SH3BP4: variants seen among roughly 807,000 people sequenced by gnomAD.
The protein encoded by SH3BP4 is SH3 domain-binding protein 4.
In SH3BP4, 33 loss-of-function variants were observed where a neutral mutation model predicts 65.5. The ratio of observed to expected loss-of-function variants is 0.50; its 90% CI spans 0.38 to 0.67. The LOEUF is 0.67. Ranked by LOEUF, SH3BP4 falls within the 30% of genes least tolerant of loss-of-function variation. The probability of loss-of-function intolerance (pLI) is 0.00; values close to 1 mark genes in which losing one functional copy is unlikely to be tolerated. For missense variants in SH3BP4, 1,134 were observed against 1,261.4 expected, an observed-to-expected ratio of 0.90 and a Z score of 1.53; for synonymous variants, 552 against 545.5, an observed-to-expected ratio of 1.01 and a Z score of -0.17.
intron 2 of SH3BP4, among the ~76,000 whole-genome samples, chr2:235,017,024 A>C (rs1477431994): frequency 6.8e-6 from 1 of 147,204 alleles, no homozygotes; most frequent in East Asian, 2.0e-4. Flanking sequence ...CACTTTCGGC[A>C]GCGAGTTTCT....
chr2:234,981,552 C>A (rs575021624), intron 1 of SH3BP4: 1 of 152,140 alleles, frequency 6.6e-6, no homozygotes, highest in African/African-American at 2.4e-5. Context: ...ATTTGCCCAG[C>A]GTGTTTAGAA....
chr2:234,955,778 T>G (rs1692572079), intron 1 of SH3BP4, among the ~76,000 whole-genome samples: 1 of 152,182 alleles, frequency 6.6e-6, no homozygotes, highest in Non-Finnish European at 1.5e-5. Context: ...GTACCACTCG[T>G]TGAGGGCTTA....
At chr2:235,053,138 C>T (rs949783982) in intron 5 of SH3BP4, among the ~76,000 whole-genome samples, 1 of 152,204 alleles carries the variant, frequency 6.6e-6, no homozygotes, top group Non-Finnish European at 1.5e-5. Flanking sequence ...GGGCCAAAGC[C>T]GGTGTGGCCG....
chr2:235,023,600 T>G (rs894043339), intron 2 of SH3BP4, among the ~76,000 whole-genome samples: 1 of 152,088 alleles, frequency 6.6e-6, no homozygotes, highest in African/African-American at 2.4e-5. Flanking sequence ...AAAAAGCGTT[T>G]TTGATTGTAG....
intron 2 of SH3BP4, among the ~76,000 whole-genome samples, chr2:235,009,948 C>A (rs1694424168): frequency 6.6e-6 from 1 of 152,148 alleles, no homozygotes; most frequent in South Asian, 2.1e-4. Context: ...TCTCTCCTCT[C>A]CTCAAACCTT....
chr2:235,000,923 C>A (rs1694077836), intron 2 of SH3BP4, among the ~76,000 whole-genome samples: 4 of 152,224 alleles, frequency 2.6e-5, no homozygotes, highest in Admixed American at 2.6e-4. Flanking sequence ...CTTGTTCTGA[C>A]CTCTTTCCTT....
At position 234,991,119 on chromosome 2, in the gene SH3BP4, A is replaced by G. The variant is rs1021305936; in HGVS notation, c.-206-4184A>G. On this transcript the variant is annotated intron_variant, in intron 1 of 5. Coordinates refer to ENST00000392011, the MANE Select transcript of SH3BP4 (RefSeq NM_014521.3). The surrounding 1 kb of genome is among the most constrained non-coding windows in gnomAD (Gnocchi z 4.2). ...ATGCATACAAATTTGGGGGGATGCAATTCCATCTATACCATTGGGAAATGG... is the reference window on the plus strand; with the variant it reads ...ATGCATACAAATTTGGGGGGATGCAGTTCCATCTATACCATTGGGAAATGG... Among the ~76,000 whole-genome samples the G allele has an allele frequency of 6.6e-6, 1 of 152,130 alleles. No homozygotes were observed. The highest frequency in any genetic ancestry group is 1.5e-5 in the Non-Finnish European group (1 of 68,032).
intron 1 of SH3BP4, among the ~76,000 whole-genome samples, chr2:234,953,399 C>T (rs138538030): frequency 2.0e-4 from 31 of 152,246 alleles, no homozygotes; most frequent in African/African-American, 7.2e-4. Flanking sequence ...CCCTTGTGAC[C>T]GTCTCTGAGC....
chr2:235,005,593 C>T (rs1257963809), intron 2 of SH3BP4, among the ~76,000 whole-genome samples: 1 of 152,190 alleles, frequency 6.6e-6, no homozygotes, highest in Non-Finnish European at 1.5e-5. Flanking sequence ...TTGAGCCCCT[C>T]AGAGCTGCTG....
chr2:235,038,663 G>A (rs557107407), intron 3 of SH3BP4, among the ~76,000 whole-genome samples: 121 of 151,934 alleles, frequency 8.0e-4, no homozygotes, highest in Non-Finnish European at 1.3e-3. Flanking sequence ...ATGAGCTGGA[G>A]GACAGCAAGG....
chr2:234,961,092 T>C (rs1203161610), intron 1 of SH3BP4, among the ~76,000 whole-genome samples: 1 of 152,204 alleles, frequency 6.6e-6, no homozygotes, highest in Non-Finnish European at 1.5e-5. Flanking sequence ...ATTTGGCTTC[T>C]CTTCCTGTTA....
chr2:235,019,918 A>G (rs1203926953), intron 2 of SH3BP4, among the ~76,000 whole-genome samples: 1 of 151,918 alleles, frequency 6.6e-6, no homozygotes, highest in Non-Finnish European at 1.5e-5. Flanking sequence ...GACAAAAGCA[A>G]GTTACATGTT....
At chr2:235,000,309 G>C (rs566013380) in intron 2 of SH3BP4, among the ~76,000 whole-genome samples, 1 of 152,296 alleles carries the variant, frequency 6.6e-6, no homozygotes, top group South Asian at 2.1e-4. Context: ...GAGGGCCCCC[G>C]AGCCTGGGCT....
rs1367532271 is a variant in SH3BP4, at chr2:234,997,055, C to T, written c.-133+1679C>T. ...CCCGCTTGTCTCCGTGGCGGGCACA[C>T]AGGCTTCCGGGAGCCCGGTGAGGGA... On this transcript the variant is annotated intron_variant, in intron 2 of 5. Coordinates refer to ENST00000392011, the MANE Select transcript of SH3BP4 (RefSeq NM_014521.3). The surrounding 1 kb of genome is among the most constrained non-coding windows in gnomAD (Gnocchi z 4.2). Among the ~76,000 whole-genome samples the T allele has an allele frequency of 6.6e-6, 1 of 152,244 alleles. No homozygotes were observed. The highest frequency in any genetic ancestry group is 1.5e-5 in the Non-Finnish European group (1 of 68,048).
Position 235,034,931 on chromosome 2 carries a change from C to T in SH3BP4, c.-72C>T, listed in dbSNP as rs1374935747. 3.1e-6 allele frequency: 4 copies of T among 1,293,558 alleles called. No individual in the cohort carries two copies. Among genetic ancestry groups the T allele is most frequent in the African/African-American group, 2.9e-5 (2 of 68,146 alleles). The allele number at this position is 1,293,558 out of a possible 1,614,324, so 80.1% of individuals were successfully genotyped here. ...GCGTGTTTGCTTGAGGCAGAAGCTT[C>T]AGCATCTGCTGGGATAACTGGAGGA... is the stretch of plus-strand genomic sequence containing the variant. On this transcript the variant is annotated 5_prime_UTR_variant, in exon 3 of 6. Transcript: ENST00000392011. This position sits in a 1 kb window ranked among gnomAD's most constrained non-coding sequence, Gnocchi z 6.2.
chr2:235,052,893 C>T lies in SH3BP4; in HGVS notation c.2667+143C>T. 2 of 817,986 alleles carry T rather than the reference C, an allele frequency of 2.4e-6. No individual in the cohort carries two copies. Among genetic ancestry groups the T allele is most frequent in the African/African-American group, 1.7e-5 (1 of 58,250 alleles). 50.7% of individuals were successfully genotyped at this position (817,986 alleles called of 1,614,324 possible). The stretch of plus-strand genomic sequence containing the variant: ...TGGAAATGTGCACGCATGTGCCCAG[C>T]ACTGGGTGTGCCTCACTGAGTGGGA... On this transcript the variant is annotated intron_variant, in intron 5 of 5. Transcript: ENST00000392011. The surrounding 1 kb of genome is among the most constrained non-coding windows in gnomAD (Gnocchi z 5.0).
At chr2:234,996,538 G>T (rs1164622230) in intron 2 of SH3BP4, among the ~76,000 whole-genome samples, 1 of 152,202 alleles carries the variant, frequency 6.6e-6, no homozygotes, top group Non-Finnish European at 1.5e-5. Flanking sequence ...GGGCCTCAGC[G>T]ACTTGAAACA....
chr2:235,027,260 G>A (rs534036222), intron 2 of SH3BP4, among the ~76,000 whole-genome samples: 3 of 152,266 alleles, frequency 2.0e-5, no homozygotes, highest in Non-Finnish European at 4.4e-5. Flanking sequence ...TGCCTTTGGA[G>A]TGAGAGAGGA....
rs547658207 is a variant in SH3BP4, at chr2:234,978,207, C to G, written c.-206-17096C>G. 2.0e-4 allele frequency among the ~76,000 whole-genome samples: 30 copies of G among 152,334 alleles called. No homozygotes were observed. Among genetic ancestry groups the G allele is most frequent in the Admixed American group, 1.8e-3 (28 of 15,312 alleles). On this transcript the variant is annotated intron_variant, in intron 1 of 5. Transcript: ENST00000392011. This position sits in a 1 kb window ranked among gnomAD's most constrained non-coding sequence, Gnocchi z 4.1. ...CCGACCTCAGGTGATCCGCCTGCCT[C>G]AGCCTCCCAAAGTGCTGGGATTACA...
Sources: allele counts gnomAD v4.1 joint callset (sites outside exome capture counted in the v4.1 genomes callset), GRCh38; gene constraint gnomAD v4.1.1; non-coding constraint Gnocchi (gnomAD v3.1); transcripts MANE v1.5; gene names NCBI Gene and HGNC (gene_info 2026-07-23, HGNC 2026-07-21).